CAMTA1: variants seen among roughly 807,000 people sequenced by gnomAD.
The protein encoded by CAMTA1 is calmodulin-binding transcription activator 1.
Under a neutral mutation model 170.9 loss-of-function variants are expected in CAMTA1, and 27 were observed. The ratio of observed to expected loss-of-function variants is 0.16; its 90% confidence interval spans 0.12 to 0.22. The LOEUF is 0.22. Ranked by LOEUF, CAMTA1 falls within the 10% of genes least tolerant of loss-of-function variation. CAMTA1 has a pLI of 1.00. For missense variants in CAMTA1, 1,619 were observed against 2,217.2 expected (o/e 0.73, Z 5.42); for synonymous variants, 833 against 891.5 (o/e 0.93, Z 1.17).
At chr1:7,598,180 G>A (rs1300385038) in intron 6 of CAMTA1, among the ~76,000 whole-genome samples, 2 of 149,536 alleles carry the variant, frequency 1.3e-5, no homozygotes, top group Non-Finnish European at 2.9e-5. Flanking sequence ...GTGAGAACAT[G>A]TGGTGTTTGG....
At chr1:6,826,433 G>A (rs1647114588) in intron 3 of CAMTA1, among the ~76,000 whole-genome samples, 1 of 152,166 alleles carries the variant, frequency 6.6e-6, no homozygotes, top group Non-Finnish European at 1.5e-5. Context: ...ATTTTTAGAC[G>A]TGAAAATGAA....
chr1:6,910,468 T>C (rs1679458873), intron 3 of CAMTA1, among the ~76,000 whole-genome samples: 1 of 152,208 alleles, frequency 6.6e-6, no homozygotes, highest in Non-Finnish European at 1.5e-5. Flanking sequence ...TCTACTGAAA[T>C]GTTTTTGCTA....
At chr1:7,587,083 C>T (rs1160453965) in intron 6 of CAMTA1, among the ~76,000 whole-genome samples, 1 of 152,006 alleles carries the variant, frequency 6.6e-6, no homozygotes, top group Non-Finnish European at 1.5e-5. Flanking sequence ...AGAATTGTTC[C>T]TATTCCCCAG....
intron 7 of CAMTA1, among the ~76,000 whole-genome samples, chr1:7,659,320 G>A (rs1453043918): frequency 6.6e-6 from 1 of 152,110 alleles, no homozygotes; most frequent in Non-Finnish European, 1.5e-5. Flanking sequence ...TGGATCACAA[G>A]GTCAGGAGTT....
chr1:7,279,856 G>A (rs1221541457), intron 5 of CAMTA1, among the ~76,000 whole-genome samples: 3 of 152,096 alleles, frequency 2.0e-5, no homozygotes, highest in African/African-American at 7.2e-5. Context: ...ACTGCTGGTG[G>A]TCCCTCTAGA....
intron 3 of CAMTA1, among the ~76,000 whole-genome samples, chr1:6,857,113 G>A (rs111272539): frequency 0.012 from 1,822 of 149,204 alleles, 20 homozygotes; most frequent in South Asian, 0.033. Context: ...GTGGTCAGGG[G>A]ATTGGAGGCA....
intron 5 of CAMTA1, chr1:7,389,835 A>G (rs2088484848): frequency 6.5e-6 from 1 of 152,848 alleles, no homozygotes; most frequent in Non-Finnish European, 1.5e-5. Context: ...AGGAGAAGGC[A>G]GGACAGTTAG....
At chr1:7,502,999 G>A (rs1451792392) in intron 6 of CAMTA1, among the ~76,000 whole-genome samples, 2 of 152,164 alleles carry the variant, frequency 1.3e-5, no homozygotes, top group East Asian at 3.9e-4. Context: ...CAACGGCCAT[G>A]TCCATTTGGC....
At chr1:6,836,121 C>T (rs1461699101) in intron 3 of CAMTA1, among the ~76,000 whole-genome samples, 1 of 152,116 alleles carries the variant, frequency 6.6e-6, no homozygotes, top group African/African-American at 2.4e-5. Flanking sequence ...TCGAATACTG[C>T]CTACCCCAGG....
intron 3 of CAMTA1, among the ~76,000 whole-genome samples, chr1:6,861,154 C>T (rs1664539274): frequency 6.6e-6 from 1 of 151,950 alleles, no homozygotes; most frequent in Non-Finnish European, 1.5e-5. Flanking sequence ...TGGGGTTTCA[C>T]CTCGTTGTCC....
intron 3 of CAMTA1, among the ~76,000 whole-genome samples, chr1:6,840,260 A>C (rs911362220): frequency 5.9e-5 from 9 of 152,206 alleles, no homozygotes; most frequent in African/African-American, 1.7e-4. Context: ...AGGATGAGCT[A>C]TTAGGAAGTG....
chr1:7,175,663 G>A (rs909695799), intron 4 of CAMTA1, among the ~76,000 whole-genome samples: 6 of 152,264 alleles, frequency 3.9e-5, no homozygotes, highest in African/African-American at 1.4e-4. Flanking sequence ...CCAGCCGCTT[G>A]AAGCGGGGTA....
chr1:7,197,633 CA>C (rs1655782680), intron 4 of CAMTA1, among the ~76,000 whole-genome samples: 3 of 65,864 alleles, frequency 4.6e-5, no homozygotes, highest in African/African-American at 7.2e-5. Flanking sequence ...CCCCACCACA[CA>C]CACACACACA....
intron 6 of CAMTA1, among the ~76,000 whole-genome samples, chr1:7,503,361 C>T (rs1447429234): frequency 6.6e-6 from 1 of 152,180 alleles, no homozygotes; most frequent in Non-Finnish European, 1.5e-5. Context: ...TACGAAGGGG[C>T]TTTCGGGTCA....
At position 7,146,491 on chromosome 1, in the gene CAMTA1, C is replaced by A. The variant is rs1290661389; in HGVS notation, c.302+55120C>A. Among the ~76,000 whole-genome samples, 2 of 152,150 alleles carry A rather than the reference C, an allele frequency of 1.3e-5. No individual in the cohort carries two copies. The highest frequency in any genetic ancestry group is 1.5e-5 in the Non-Finnish European group (1 of 68,034). ...TCTGTTTCGGTGCTTTGCTGAGAAC[C>A]AGTTAGGTGAATTCTGTGCTGGTGG... On this transcript the variant is annotated intron_variant, in intron 4 of 22. Coordinates refer to ENST00000303635, the MANE Select transcript of CAMTA1 (RefSeq NM_015215.4). This position sits in a 1 kb window ranked among gnomAD's most constrained non-coding sequence, Gnocchi z 4.3.
At chr1:7,556,655 C>T (rs1164965704) in intron 6 of CAMTA1, among the ~76,000 whole-genome samples, 1 of 152,184 alleles carries the variant, frequency 6.6e-6, no homozygotes, top group African/African-American at 2.4e-5. Context: ...TCCAGACACA[C>T]TGGCCTCTTG....
intron 5 of CAMTA1, among the ~76,000 whole-genome samples, chr1:7,424,587 G>C (rs1276122514): frequency 6.6e-6 from 1 of 152,112 alleles, no homozygotes; most frequent in African/African-American, 2.4e-5. Flanking sequence ...TGTTGGTGCA[G>C]CTGACACGTT....
chr1:7,016,985 T>G (rs1473451783), intron 3 of CAMTA1, among the ~76,000 whole-genome samples: 1 of 152,242 alleles, frequency 6.6e-6, no homozygotes, highest in Non-Finnish European at 1.5e-5. Context: ...CCTTTCTGTC[T>G]CTTTTTCTGG....
intron 3 of CAMTA1, among the ~76,000 whole-genome samples, chr1:6,969,101 C>T (rs1692078976): frequency 1.3e-5 from 2 of 152,158 alleles, no homozygotes; most frequent in African/African-American, 4.8e-5. Context: ...AGAATGGCAG[C>T]TGAGATACAT....
Sources: allele counts gnomAD v4.1 joint callset (sites outside exome capture counted in the v4.1 genomes callset), GRCh38; gene constraint gnomAD v4.1.1; non-coding constraint Gnocchi (gnomAD v3.1); transcripts MANE v1.5; gene names NCBI Gene and HGNC (gene_info 2026-07-23, HGNC 2026-07-21).